Variants in HEPH observed in about 807,000 individuals in gnomAD.
The protein encoded by HEPH is hephaestin.
Under a neutral mutation model 80.8 loss-of-function variants are expected in HEPH, and 69 were observed. The observed-to-expected ratio is 0.85, with a 90% CI of 0.70 to 1.04. The LOEUF is 1.04. Among genes scored for constraint, HEPH ranks in the 50% least tolerant of loss-of-function variants. The pLI is 0.00. For synonymous variants in HEPH, 431 were observed against 322.8 expected (o/e 1.34, Z -3.60); for missense variants, 1,115 against 891.3 (o/e 1.25, Z -3.20).
intron 9 of HEPH, among the ~76,000 whole-genome samples, chrX:66,195,482 A>C (rs756468481): frequency 1.0e-3 from 114 of 111,695 alleles, no homozygotes; most frequent in African/African-American, 3.5e-3. Context: ...AAAGCAGACA[A>C]TTACAAAGTA....
At chrX:66,251,118 A>G (rs2090990853) in intron 15 of HEPH, among the ~76,000 whole-genome samples, 1 of 112,252 alleles carries the variant, frequency 8.9e-6, no homozygotes, top group African/African-American at 3.2e-5. Flanking sequence ...CCTGACCTCA[A>G]GTGATCCACC....
At chrX:66,190,942 A>G (rs2087755628) in intron 6 of HEPH, among the ~76,000 whole-genome samples, 1 of 111,665 alleles carries the variant, frequency 9.0e-6, no homozygotes, top group African/African-American at 3.3e-5. Context: ...TTGGATTCAA[A>G]TCCTCGTTCC....
chrX:66,170,770 A>G lies in HEPH; in HGVS notation c.167+33A>G, dbSNP rs1410947504. ...TAATTTCTTGTGGTATTTGAGGGGA[A>G]GTTATGGGAGCACTCTTGAGGTCAG... On this transcript the variant is annotated intron_variant, in intron 2 of 20. Coordinates refer to ENST00000343002, the MANE Select transcript of HEPH (RefSeq NM_001367233.3). 2.6e-6 allele frequency: 3 copies of G among 1,153,749 alleles called. No homozygotes were observed. The South Asian group carries it at 5.7e-5, about 22-fold the overall frequency.
chrX:66,252,671 A>G (rs767888094), intron 15 of HEPH, among the ~76,000 whole-genome samples: 2 of 112,192 alleles, frequency 1.8e-5, no homozygotes, highest in East Asian at 2.8e-4. Context: ...AAGAACAACA[A>G]AGTTGGAGAA....
chrX:66,239,621 C>T (rs1320158292), intron 15 of HEPH, among the ~76,000 whole-genome samples: 1 of 111,585 alleles, frequency 9.0e-6, no homozygotes, highest in Non-Finnish European at 1.9e-5. Flanking sequence ...GATTCTCAGC[C>T]AGAGAAAAAT....
chrX:66,176,844 G>C (rs1043869859), intron 4 of HEPH, among the ~76,000 whole-genome samples: 1 of 111,662 alleles, frequency 9.0e-6, no homozygotes, highest in Admixed American at 9.5e-5. Flanking sequence ...CATTTTTTAT[G>C]GCTGCGTAGT....
In HEPH at chrX:66,192,112, A is replaced by G. The variant is rs764289213; in HGVS notation, c.1064-18A>G. ...CCTATTGGATAGAATGGGGTCAGCC[A>G]TAATGTTCTTCCTTCAGATGGCATG... On this transcript the variant is annotated intron_variant, in intron 6 of 20. Coordinates refer to ENST00000343002, the MANE Select transcript of HEPH (RefSeq NM_001367233.3). The G allele has an allele frequency of 3.3e-6, 4 of 1,197,043 alleles. No individual in the cohort carries two copies. Among genetic ancestry groups the G allele is most frequent in the Non-Finnish European group, 4.5e-6 (4 of 887,239 alleles).
intron 15 of HEPH, among the ~76,000 whole-genome samples, chrX:66,212,277 C>T (rs2089174682): frequency 9.2e-6 from 1 of 108,282 alleles, no homozygotes; most frequent in South Asian, 4.0e-4. Flanking sequence ...TTTTTTTTTC[C>T]CATTCAGCAG....
At chrX:66,232,595 C>T (rs2090195106) in intron 15 of HEPH, among the ~76,000 whole-genome samples, 1 of 110,791 alleles carries the variant, frequency 9.0e-6, no homozygotes, top group Non-Finnish European at 1.9e-5. Context: ...GCAATGGGGG[C>T]ATATGAAAGT....
upstream of HEPH, among the ~76,000 whole-genome samples, chrX:66,163,923 A>C (rs192189962): frequency 1.1e-3 from 124 of 112,503 alleles, no homozygotes; most frequent in Non-Finnish European, 1.2e-3. Context: ...ACTTATGACT[A>C]AGCAGCCATG....
intron 6 of HEPH, 97 bp from the exon 7 acceptor site, chrX:66,192,033 G>A (rs2087819387): frequency 2.4e-6 from 2 of 845,060 alleles, no homozygotes; most frequent in Non-Finnish European, 3.3e-6. Flanking sequence ...GTAGTGGAGG[G>A]TGGGTGGAGG....
In HEPH at chrX:66,200,699, C is replaced by T. The variant is rs1438573508; in HGVS notation, c.2024C>T (p.Ala675Val). ...CTTCAGGGCATGAGGAAGGGTGCAG[C>T]TATGCTCTTTCCTCATACCTTTGTC... Reference protein sequence around the residue: ...VQLQGMRKGAAMLFPHTFVMA... With the variant: ...VQLQGMRKGAVMLFPHTFVMA... Residue 675 changes from alanine to valine, a missense_variant, in exon 12 of 21, where the codon GCT becomes GTT. Coordinates refer to ENST00000343002, the MANE Select transcript of HEPH (RefSeq NM_001367233.3). 3 of 1,211,387 alleles carry T rather than the reference C, an allele frequency of 2.5e-6. No homozygotes were observed. Among genetic ancestry groups the T allele is most frequent in the Admixed American group, 2.2e-5 (1 of 46,018 alleles).
intron 1 of HEPH, among the ~76,000 whole-genome samples, chrX:66,168,270 G>A (rs2086457310): frequency 8.9e-6 from 1 of 112,253 alleles, no homozygotes; most frequent in East Asian, 2.8e-4. Flanking sequence ...ATGTGAGACT[G>A]TAGAGATGAA....
At chrX:66,242,869 C>T (rs1358386710) in intron 15 of HEPH, among the ~76,000 whole-genome samples, 1 of 111,591 alleles carries the variant, frequency 9.0e-6, no homozygotes, top group Non-Finnish European at 1.9e-5. Context: ...CCAACAAATG[C>T]CAATGAGATT....
At chrX:66,210,963 C>A (rs186263665) in intron 15 of HEPH, among the ~76,000 whole-genome samples, 1 of 110,682 alleles carries the variant, frequency 9.0e-6, no homozygotes, top group Non-Finnish European at 1.9e-5. Context: ...ATATGAGATG[C>A]CATAAAACAT....
At chrX:66,252,428 T>C (rs2091035701) in intron 15 of HEPH, among the ~76,000 whole-genome samples, 1 of 110,596 alleles carries the variant, frequency 9.0e-6, no homozygotes, top group Admixed American at 9.7e-5. Context: ...TGCCCAGAGG[T>C]GAGCATGTAG....
chrX:66,191,967 G>A lies in HEPH; in HGVS notation c.1064-163G>A, dbSNP rs574702138. On this transcript the variant is annotated intron_variant, in intron 6 of 20. Transcript: ENST00000343002. ...ATTCTACCCTGGACTCTCTCTCTCA[G>A]CCATGCACTTTAAGAGTGAGAGAAA... Among the ~76,000 whole-genome samples the A allele has an allele frequency of 2.7e-5, 3 of 111,600 alleles. No homozygotes were observed. In the South Asian group the frequency reaches 1.1e-3, roughly 43 times the overall value.
intron 4 of HEPH, among the ~76,000 whole-genome samples, chrX:66,186,902 T>C (rs2087483429): frequency 9.0e-6 from 1 of 111,338 alleles, no homozygotes; most frequent in South Asian, 3.8e-4. Flanking sequence ...TCAGACTTCG[T>C]AGGGGCTTTG....
At chrX:66,221,613 C>A (rs1001627083) in intron 15 of HEPH, among the ~76,000 whole-genome samples, 2 of 112,411 alleles carry the variant, frequency 1.8e-5, no homozygotes, top group African/African-American at 6.5e-5. Flanking sequence ...TGGCCAGGGC[C>A]CCACAGTCTG....
Sources: gnomAD v4.1 joint callset for allele counts (sites outside exome capture counted in the v4.1 genomes callset) on GRCh38, gnomAD v4.1.1 for gene constraint, MANE v1.5 for transcripts, NCBI Gene and HGNC (gene_info 2026-07-23, HGNC 2026-07-21) for gene names.